Variants in FYB2 observed in about 807,000 individuals in gnomAD.
FYB2 encodes the protein FYN binding protein 2.
A neutral mutation model predicts 94.1 loss-of-function variants in FYB2; 103 were observed. The ratio of observed to expected loss-of-function variants is 1.09; its 90% CI spans 0.93 to 1.29. The LOEUF is 1.29. Among genes scored for constraint, FYB2 ranks in the 50% most tolerant of loss-of-function variants. The pLI, the probability that FYB2 is intolerant of heterozygous loss-of-function variation, is 0.00. For synonymous variants in FYB2, 293 were observed against 287.9 expected (o/e 1.02, Z -0.18); for missense variants, 896 against 841.5 (o/e 1.06, Z -0.80).
chr1:56,789,976 G>A (rs919798495), intron 2 of FYB2, among the ~76,000 whole-genome samples: 1 of 152,120 alleles, frequency 6.6e-6, no homozygotes, highest in Non-Finnish European at 1.5e-5. Flanking sequence ...CCTGTGTCCT[G>A]GAATTTTCCA....
chr1:56,812,803 C>G (rs781758944), intron 1 of FYB2, among the ~76,000 whole-genome samples: 3 of 152,108 alleles, frequency 2.0e-5, no homozygotes, highest in Non-Finnish European at 4.4e-5. Flanking sequence ...AAAACACTTC[C>G]CAGGTTGATG....
At chr1:56,729,500 A>G (rs954861375) in intron 15 of FYB2, among the ~76,000 whole-genome samples, 1 of 152,246 alleles carries the variant, frequency 6.6e-6, no homozygotes, top group Admixed American at 6.5e-5. Flanking sequence ...TGGACCCAAC[A>G]CTGGAGCACC....
intron 1 of FYB2, among the ~76,000 whole-genome samples, chr1:56,796,470 C>T (rs1361216531): frequency 4.6e-5 from 7 of 152,254 alleles, no homozygotes; most frequent in East Asian, 1.9e-4. Context: ...CTTACTGCTT[C>T]GAATGACTTC....
chr1:56,809,207 T>C (rs1570243303), intron 1 of FYB2, among the ~76,000 whole-genome samples: 1 of 152,246 alleles, frequency 6.6e-6, no homozygotes, highest in Non-Finnish European at 1.5e-5. Context: ...TGGGTAACTT[T>C]AAAGGTCTAC....
chr1:56,753,271 T>C (rs886924795), intron 8 of FYB2, among the ~76,000 whole-genome samples: 2 of 152,098 alleles, frequency 1.3e-5, no homozygotes, highest in Non-Finnish European at 2.9e-5. Flanking sequence ...CAGTTGGATA[T>C]GGATATACAC....
At chr1:56,825,991 C>T in the FYB2 span, among the ~76,000 whole-genome samples, 1 of 152,230 alleles carries the variant, frequency 6.6e-6, no homozygotes, top group Non-Finnish European at 1.5e-5. Flanking sequence ...CTCTCAAGTG[C>T]AGTGGACTAC....
At chr1:56,778,750 A>G in intron 4 of FYB2, among the ~76,000 whole-genome samples, 1 of 152,216 alleles carries the variant, frequency 6.6e-6, no homozygotes, top group Non-Finnish European at 1.5e-5. Flanking sequence ...AACACGTGCT[A>G]TAGCCAGGAA....
intron 14 of FYB2, among the ~76,000 whole-genome samples, chr1:56,737,852 A>C (rs1644863748): frequency 6.6e-6 from 1 of 152,104 alleles, no homozygotes; most frequent in South Asian, 2.1e-4. Context: ...ATTCTAGGTC[A>C]GCTTTTTTCT....
At chr1:56,814,457 A>G (rs1570261224) in intron 1 of FYB2, among the ~76,000 whole-genome samples, 1 of 152,312 alleles carries the variant, frequency 6.6e-6, no homozygotes, top group Non-Finnish European at 1.5e-5. Flanking sequence ...TGAAGTCAGC[A>G]TTGCTGCATA....
At chr1:56,738,598 G>T (rs1321387396) in intron 14 of FYB2, 27 bp downstream of exon 14, 2 of 1,592,174 alleles carry the variant, frequency 1.3e-6, no homozygotes, top group Admixed American at 3.4e-5. Context: ...GAGTACTTTT[G>T]GTCTGCAATA....
intron 8 of FYB2, among the ~76,000 whole-genome samples, 161 bp downstream of exon 8, chr1:56,753,678 G>C (rs539541991): frequency 2.2e-4 from 34 of 152,174 alleles, no homozygotes; most frequent in Non-Finnish European, 4.6e-4. Flanking sequence ...AGGGGCTGGA[G>C]CTTAGTGTCA....
intron 1 of FYB2, among the ~76,000 whole-genome samples, chr1:56,809,814 T>C (rs10889018): frequency 0.13 from 19,710 of 152,210 alleles, 1,773 homozygotes; most frequent in East Asian, 0.38. Flanking sequence ...GGTGAAATCC[T>C]ACCTCTCCGA....
chr1:56,783,599 G>C (rs1300443517), intron 4 of FYB2, among the ~76,000 whole-genome samples: 1 of 152,164 alleles, frequency 6.6e-6, no homozygotes, highest in African/African-American at 2.4e-5. Flanking sequence ...TTGTACCAAA[G>C]AGTGTATCTT....
intron 9 of FYB2, among the ~76,000 whole-genome samples, chr1:56,745,448 T>C (rs1474389097): frequency 6.6e-6 from 1 of 152,030 alleles, no homozygotes; most frequent in Non-Finnish European, 1.5e-5. Context: ...CCATCCTTTA[T>C]GTTGCTCAGG....
Position 56,778,032 on chromosome 1 carries a change from G to A in FYB2, c.953+9143C>T, listed in dbSNP as rs149146016. On this transcript the variant is annotated intron_variant, in intron 4 of 19. Coordinates refer to ENST00000343433, the MANE Select transcript of FYB2 (RefSeq NM_001004303.5). ...TCCCTTCCCATGTCTCCAAGGTCCT[G>A]TACTACCATTCTCTTCCTCACTCAT... Among the ~76,000 whole-genome samples the A allele has an allele frequency of 7.1e-3, 1,086 of 152,174 alleles. 16 individuals are homozygous for A. The highest frequency in any genetic ancestry group is 0.025 in the African/African-American group (1,052 of 41,518).
chr1:56,819,295 T>C lies in FYB2; in HGVS notation c.-5A>G, dbSNP rs1361672492. 5 of 1,614,082 alleles carry C rather than the reference T, an allele frequency of 3.1e-6. No individual in the cohort carries two copies. In the African/African-American group the frequency reaches 6.7e-5, roughly 22 times the overall value. On this transcript the variant is annotated 5_prime_UTR_variant, in exon 1 of 20. Coordinates refer to ENST00000343433, the MANE Select transcript of FYB2 (RefSeq NM_001004303.5). ...AGACAGCCTTACCCCTTCCATTGCT[T>C]TCCTCCAAGGCAGAGTCAGGGAAAC...
chr1:56,729,014 C>T (rs1644644969), intron 15 of FYB2, among the ~76,000 whole-genome samples: 1 of 152,104 alleles, frequency 6.6e-6, no homozygotes, highest in African/African-American at 2.4e-5. Flanking sequence ...GTCTAAGGAA[C>T]TCCAAGTAGT....
At chr1:56,818,567 A>T (rs1446081137) in intron 1 of FYB2, among the ~76,000 whole-genome samples, 3 of 152,024 alleles carry the variant, frequency 2.0e-5, no homozygotes, top group African/African-American at 7.2e-5. Context: ...AGAATTGGAG[A>T]AGGAAAAAGG....
intron 15 of FYB2, among the ~76,000 whole-genome samples, chr1:56,728,414 C>G (rs753841130): frequency 6.6e-6 from 1 of 152,042 alleles, no homozygotes; most frequent in Non-Finnish European, 1.5e-5. Context: ...GTATCAGGCA[C>G]GTGATACAGA....
Sources: allele counts gnomAD v4.1 joint callset (sites outside exome capture counted in the v4.1 genomes callset), GRCh38; gene constraint gnomAD v4.1.1; transcripts MANE v1.5; gene names NCBI Gene and HGNC (gene_info 2026-07-23, HGNC 2026-07-21).